Variants in ICA1 observed in about 807,000 individuals in gnomAD.
ICA1 encodes the protein islet cell autoantigen 1.
ICA1 carries 40 observed loss-of-function variants against 71.0 expected under a neutral mutation model. The ratio of observed to expected loss-of-function variants is 0.56; its 90% CI spans 0.44 to 0.73. The LOEUF (loss-of-function observed/expected upper bound fraction) is 0.73. Among genes scored for constraint, ICA1 ranks in the 30% least tolerant of loss-of-function variants. ICA1 has a pLI of 0.00. For missense variants in ICA1, 578 were observed against 576.5 expected, an observed-to-expected ratio of 1.00 and a Z score of -0.03; for synonymous variants, 207 against 209.5, an observed-to-expected ratio of 0.99 and a Z score of 0.10.
Position 8,144,905 on chromosome 7 carries a change from T to C in ICA1, c.805-933A>G, listed in dbSNP as rs1206660295. ...GTCCTTCTCCTGCCTATCGTTCACTTGTCTGACACACATAGGAGGCAATCA... is the reference window on the plus strand; with the variant it reads ...GTCCTTCTCCTGCCTATCGTTCACTCGTCTGACACACATAGGAGGCAATCA... On this transcript the variant is annotated intron_variant, in intron 8 of 13. Coordinates refer to ENST00000402384, the MANE Select transcript of ICA1 (RefSeq NM_001136020.3). This position sits in a 1 kb window ranked among gnomAD's most constrained non-coding sequence, Gnocchi z 4.5. Among the ~76,000 whole-genome samples the C allele has an allele frequency of 6.6e-6, 1 of 152,188 alleles. No individual in the cohort carries two copies. The highest frequency in any genetic ancestry group is 1.5e-5 in the Non-Finnish European group (1 of 68,038).
Position 8,241,309 on chromosome 7 carries a change from C to T in ICA1, c.-79-5304G>A, listed in dbSNP as rs562270476. On this transcript the variant is annotated intron_variant, in intron 1 of 13. Transcript: ENST00000402384. ...TTCAATCCAGAATTTCATATCCAGGCAAACTAAGCTTCATAAGTGAAGGAG... is the reference window on the plus strand; with the variant it reads ...TTCAATCCAGAATTTCATATCCAGGTAAACTAAGCTTCATAAGTGAAGGAG... Among the ~76,000 whole-genome samples, 8 of 152,286 alleles carry T rather than the reference C, an allele frequency of 5.3e-5. No homozygotes were observed. The South Asian group carries it at 1.7e-3, about 32-fold the overall frequency.
At chr7:8,213,021 C>T (rs750816825) in intron 6 of ICA1, among the ~76,000 whole-genome samples, 42 of 152,164 alleles carry the variant, frequency 2.8e-4, no homozygotes, top group Non-Finnish European at 5.4e-4. Flanking sequence ...TTCACATACT[C>T]TAAAAAAGCA....
intron 1 of ICA1, among the ~76,000 whole-genome samples, chr7:8,261,052 C>T (rs1027196488): frequency 5.3e-5 from 8 of 152,172 alleles, no homozygotes; most frequent in African/African-American, 1.9e-4. Flanking sequence ...GTATCACTCC[C>T]AAGCAAGCTG....
intron 6 of ICA1, among the ~76,000 whole-genome samples, chr7:8,168,528 A>G (rs1184681321): frequency 6.6e-6 from 1 of 152,154 alleles, no homozygotes; most frequent in Non-Finnish European, 1.5e-5. Flanking sequence ...CGTGACTGAC[A>G]GTATTCTGAG....
intron 6 of ICA1, among the ~76,000 whole-genome samples, chr7:8,168,817 G>C (rs1807137336): frequency 6.6e-6 from 1 of 152,060 alleles, no homozygotes. Flanking sequence ...CCTTGGAGAT[G>C]ATGCCTCTAT....
intron 8 of ICA1, among the ~76,000 whole-genome samples, chr7:8,145,210 T>C (rs1159024079): frequency 6.6e-6 from 1 of 152,174 alleles, no homozygotes; most frequent in African/African-American, 2.4e-5. Flanking sequence ...AGAACTTCCT[T>C]ATTTCTTTCC....
At chr7:8,227,246 G>A (rs1407477374) in intron 4 of ICA1, among the ~76,000 whole-genome samples, 3 of 152,168 alleles carry the variant, frequency 2.0e-5, no homozygotes, top group African/African-American at 7.2e-5. Flanking sequence ...TGAAAGCAGT[G>A]CAGACAATAG....
chr7:8,132,424 A>G lies in ICA1; in HGVS notation c.1061-4282T>C, dbSNP rs1392273846. Among the ~76,000 whole-genome samples, 2 of 152,096 alleles carry G rather than the reference A, an allele frequency of 1.3e-5. No individual in the cohort carries two copies. Among genetic ancestry groups the G allele is most frequent in the African/African-American group, 4.8e-5 (2 of 41,392 alleles). On this transcript the variant is annotated intron_variant, in intron 12 of 13. Coordinates refer to ENST00000402384, the MANE Select transcript of ICA1 (RefSeq NM_001136020.3). The surrounding 1 kb of genome is among the most constrained non-coding windows in gnomAD (Gnocchi z 4.5). ...TGTTCTGGTTTCTTCTTCCTTCCAC[A>G]ACCACATACTCTACTTTGGCTCTAC...
Position 8,130,993 on chromosome 7 carries a change from G to C in ICA1, c.1061-2851C>G, listed in dbSNP as rs184863875. On this transcript the variant is annotated intron_variant, in intron 12 of 13. Transcript: ENST00000402384. This position sits in a 1 kb window ranked among gnomAD's most constrained non-coding sequence, Gnocchi z 4.2. ...ATGACTCCTTACCCTCCACCCCAGTGAATGACTGATGAGGCTGGCCAGAGT... is the reference window on the plus strand; with the variant it reads ...ATGACTCCTTACCCTCCACCCCAGTCAATGACTGATGAGGCTGGCCAGAGT... 5.3e-5 allele frequency among the ~76,000 whole-genome samples: 8 copies of C among 152,282 alleles called. No individual in the cohort carries two copies. In the East Asian group the frequency reaches 1.4e-3, roughly 26 times the overall value.
chr7:8,226,008 G>T lies in ICA1; in HGVS notation c.256+2593C>A, dbSNP rs1475265428. On this transcript the variant is annotated intron_variant, in intron 4 of 13. Transcript: ENST00000402384. The surrounding 1 kb of genome is among the most constrained non-coding windows in gnomAD (Gnocchi z 4.4). The stretch of plus-strand genomic sequence containing the variant: ...ATAATTATGTTCCAAAACTACTGAG[G>T]TTAGTTCTTTTTTTTTCTGATTCTG... Among the ~76,000 whole-genome samples, 1 of 151,802 alleles carries T rather than the reference G, an allele frequency of 6.6e-6. No homozygotes were observed. The highest frequency in any genetic ancestry group is 2.4e-5 in the African/African-American group (1 of 41,284).
intron 8 of ICA1, among the ~76,000 whole-genome samples, chr7:8,154,353 G>C (rs1800752272): frequency 6.6e-6 from 1 of 152,174 alleles, no homozygotes; most frequent in Non-Finnish European, 1.5e-5. Context: ...CAAAAAACTT[G>C]TCCCTCCAAA....
In ICA1 at chr7:8,223,190, C is replaced by T. The variant is rs1347295167; in HGVS notation, c.257-1792G>A. Among the ~76,000 whole-genome samples the T allele has an allele frequency of 6.6e-6, 1 of 152,126 alleles. No individual in the cohort carries two copies. The highest frequency in any genetic ancestry group is 1.5e-5 in the Non-Finnish European group (1 of 68,028). ...CACTCAATTCCACAATGAATCTTTC[C>T]CTATGGAAAGCAATGTCTCATTTTT... On this transcript the variant is annotated intron_variant, in intron 4 of 13. Coordinates refer to ENST00000402384, the MANE Select transcript of ICA1 (RefSeq NM_001136020.3). The surrounding 1 kb of genome is among the most constrained non-coding windows in gnomAD (Gnocchi z 4.1).
rs1449466872 is a variant in ICA1, at chr7:8,144,515, C to T, written c.805-543G>A. On this transcript the variant is annotated intron_variant, in intron 8 of 13. Transcript: ENST00000402384. This position sits in a 1 kb window ranked among gnomAD's most constrained non-coding sequence, Gnocchi z 4.5. ...ATAGTGGCTTAACATATTCTGACAA[C>T]CTAACTCCCACGAGTGGACAGAGCA... Among the ~76,000 whole-genome samples the T allele has an allele frequency of 6.6e-6, 1 of 152,192 alleles. No individual in the cohort carries two copies. The highest frequency in any genetic ancestry group is 2.4e-5 in the African/African-American group (1 of 41,440).
At chr7:8,117,415 C>T (rs1202148548) in intron 13 of ICA1, among the ~76,000 whole-genome samples, 2 of 152,234 alleles carry the variant, frequency 1.3e-5, no homozygotes, top group Non-Finnish European at 2.9e-5. Flanking sequence ...ACAGCATTTA[C>T]TGTCTGTCCT....
intron 8 of ICA1, among the ~76,000 whole-genome samples, chr7:8,152,457 C>T (rs1258492447): frequency 1.3e-5 from 2 of 151,838 alleles, no homozygotes; most frequent in African/African-American, 2.4e-5. Flanking sequence ...CTCACCACTG[C>T]CACCACCATC....
chr7:8,210,567 T>C (rs991168033), intron 6 of ICA1, among the ~76,000 whole-genome samples: 2 of 151,838 alleles, frequency 1.3e-5, no homozygotes, highest in Non-Finnish European at 1.5e-5. Flanking sequence ...TCCTAGCCTA[T>C]CCATTTATAA....
rs181615758 is a variant in ICA1 at position 8,211,100 on chromosome 7, G to A, written c.579+7205C>T. Among the ~76,000 whole-genome samples the A allele has an allele frequency of 1.2e-3, 182 of 152,290 alleles. 1 individual carries two copies. Among genetic ancestry groups the A allele is most frequent in the African/African-American group, 4.2e-3 (176 of 41,568 alleles). On this transcript the variant is annotated intron_variant, in intron 6 of 13. Coordinates refer to ENST00000402384, the MANE Select transcript of ICA1 (RefSeq NM_001136020.3). Reference sequence around the variant, plus strand: ...GACAAACTGTCAGACAATCCAGAACGATAAACACCATTTACTCCAGCCCAC... The same window carrying A: ...GACAAACTGTCAGACAATCCAGAACAATAAACACCATTTACTCCAGCCCAC...
intron 6 of ICA1, among the ~76,000 whole-genome samples, chr7:8,206,486 T>A (rs903382149): frequency 6.6e-6 from 1 of 152,152 alleles, no homozygotes; most frequent in African/African-American, 2.4e-5. Flanking sequence ...TTAAGAAACT[T>A]TTCTGTCATT....
chr7:8,260,551 A>G (rs937684939), intron 1 of ICA1, among the ~76,000 whole-genome samples: 3 of 152,214 alleles, frequency 2.0e-5, no homozygotes, highest in Non-Finnish European at 4.4e-5. Context: ...TCATCTTTAT[A>G]AACAGTACAA....
Sources: gnomAD v4.1 joint callset for allele counts (sites outside exome capture counted in the v4.1 genomes callset) on GRCh38, gnomAD v4.1.1 for gene constraint, Gnocchi (gnomAD v3.1) non-coding constraint, MANE v1.5 for transcripts, NCBI Gene and HGNC (gene_info 2026-07-23, HGNC 2026-07-21) for gene names.